Variants in ERC2 observed in about 807,000 individuals in gnomAD.
ERC2 encodes ELKS/RAB6-interacting/CAST family member 2.
A neutral mutation model predicts 114.8 loss-of-function variants in ERC2; 42 were observed. The observed-to-expected ratio is 0.37, with a 90% CI of 0.29 to 0.47. The LOEUF is 0.47. Ranked by LOEUF, ERC2 falls within the 20% of genes least tolerant of loss-of-function variation. The pLI is 0.99. For missense variants in ERC2, 939 were observed against 1,150.7 expected (o/e 0.82, Z 2.66); for synonymous variants, 454 against 425.5 (o/e 1.07, Z -0.82).
chr3:56,399,838 G>T (rs1176638891), intron 2 of ERC2, among the ~76,000 whole-genome samples: 5 of 152,096 alleles, frequency 3.3e-5, no homozygotes, highest in Non-Finnish European at 7.4e-5. Context: ...ACAAAGAACA[G>T]AGTAACAATT....
chr3:55,549,056 C>T (rs1290488140), intron 17 of ERC2, among the ~76,000 whole-genome samples: 1 of 152,184 alleles, frequency 6.6e-6, no homozygotes, highest in Admixed American at 6.5e-5. Context: ...TCTAAAGTAA[C>T]TCCGGTTTTA....
intron 14 of ERC2, among the ~76,000 whole-genome samples, chr3:55,831,708 C>T (rs1441143823): frequency 1.3e-5 from 2 of 152,108 alleles, no homozygotes; most frequent in African/African-American, 4.8e-5. Flanking sequence ...TTCTGCATTT[C>T]CATCTGAGGT....
chr3:56,211,327 C>T (rs2049045712), intron 3 of ERC2, among the ~76,000 whole-genome samples: 2 of 152,134 alleles, frequency 1.3e-5, no homozygotes, highest in African/African-American at 4.8e-5. Context: ...AGAATCAAAT[C>T]AAGAACTCAA....
chr3:56,440,762 C>CTA (rs2062261761), intron 1 of ERC2, among the ~76,000 whole-genome samples: 1 of 152,168 alleles, frequency 6.6e-6, no homozygotes, highest in Admixed American at 6.5e-5. Flanking sequence ...GTAAATCAAA[C>CTA]TATATAAAGA....
chr3:56,106,497 T>A (rs996096991), intron 6 of ERC2, among the ~76,000 whole-genome samples: 1 of 152,206 alleles, frequency 6.6e-6, no homozygotes, highest in Non-Finnish European at 1.5e-5. Context: ...GGCCTTTAAC[T>A]TGGGGTTGTC....
intron 1 of ERC2, among the ~76,000 whole-genome samples, chr3:56,441,181 T>C (rs963690412): frequency 6.6e-6 from 1 of 152,178 alleles, no homozygotes; most frequent in African/African-American, 2.4e-5. Flanking sequence ...AGAACGGCCC[T>C]GGAAGATGAA....
intron 14 of ERC2, among the ~76,000 whole-genome samples, chr3:55,823,169 A>G (rs954864514): frequency 1.3e-5 from 2 of 152,154 alleles, no homozygotes; most frequent in African/African-American, 4.8e-5. Flanking sequence ...AGCTGGCTTC[A>G]TGAGAGAGCT....
chr3:56,271,358 T>C (rs895485563), intron 3 of ERC2, among the ~76,000 whole-genome samples: 1 of 152,222 alleles, frequency 6.6e-6, no homozygotes, highest in Non-Finnish European at 1.5e-5. Flanking sequence ...GCACAGTCCC[T>C]TGGGAAATAT....
chr3:55,548,576 C>T (rs1028617858), intron 17 of ERC2, among the ~76,000 whole-genome samples: 4 of 152,180 alleles, frequency 2.6e-5, no homozygotes, highest in Admixed American at 6.5e-5. Flanking sequence ...CACAGACATA[C>T]GTGTGTCAGC....
At chr3:56,098,950 C>CAAAT (rs890124125) in intron 6 of ERC2, among the ~76,000 whole-genome samples, 1 of 152,142 alleles carries the variant, frequency 6.6e-6, no homozygotes, top group African/African-American at 2.4e-5. Context: ...TGGTGGTCCC[C>CAAAT]AAATAGATGT....
At chr3:55,756,912 A>G (rs1239822523) in intron 14 of ERC2, among the ~76,000 whole-genome samples, 1 of 152,198 alleles carries the variant, frequency 6.6e-6, no homozygotes, top group Non-Finnish European at 1.5e-5. Context: ...AAAATGAATA[A>G]GATGCAAAGA....
chr3:55,712,781 C>A lies in ERC2; in HGVS notation c.2713-13269G>T, dbSNP rs1037403925. 5.3e-5 allele frequency among the ~76,000 whole-genome samples: 8 copies of A among 152,148 alleles called. No individual in the cohort carries two copies. In the South Asian group the frequency reaches 1.5e-3, roughly 28 times the overall value. ...TTCTGCCTTTTTGGGCAGCTCACGT[C>A]TTCAGATATTTGAATACAGTTATGC... On this transcript the variant is annotated intron_variant, in intron 15 of 17. Coordinates refer to ENST00000288221, the MANE Select transcript of ERC2 (RefSeq NM_015576.3).
intron 3 of ERC2, among the ~76,000 whole-genome samples, chr3:56,194,864 G>A (rs1188289041): frequency 6.6e-6 from 1 of 151,764 alleles, no homozygotes; most frequent in Non-Finnish European, 1.5e-5. Flanking sequence ...GATAACTGCA[G>A]TCAACGGTGT....
intron 3 of ERC2, among the ~76,000 whole-genome samples, chr3:56,218,342 C>T (rs1373779169): frequency 6.6e-6 from 1 of 152,206 alleles, no homozygotes; most frequent in Admixed American, 6.5e-5. Flanking sequence ...CATGAACAGA[C>T]ACTTCTCAAA....
rs997337587 is a variant in ERC2 at position 55,675,803 on chromosome 3, G to A, written c.*39+7991C>T. Among the ~76,000 whole-genome samples the A allele has an allele frequency of 4.2e-5, 6 of 143,008 alleles. No individual in the cohort carries two copies. In the South Asian group the frequency reaches 9.7e-4, roughly 23 times the overall value. 93.8% of individuals were successfully genotyped at this position (143,008 alleles called of 152,430 possible). On this transcript the variant is annotated intron_variant, in intron 17 of 17. Coordinates refer to ENST00000288221, the MANE Select transcript of ERC2 (RefSeq NM_015576.3). ...AGTGCCATTATGGCCATTTTCAAAT[G>A]TTATTAATAATTCTTTTAGAAGCTT...
chr3:56,296,010 T>C lies in ERC2; in HGVS notation c.1074+9A>G. Reference sequence around the variant, plus strand: ...TAAGGCTTTGGGGAAATACAGTGAATGCTCTTACCTCTCTAAGATGTATGT... The same window carrying C: ...TAAGGCTTTGGGGAAATACAGTGAACGCTCTTACCTCTCTAAGATGTATGT... On this transcript the variant is annotated intron_variant, in intron 3 of 17. Coordinates refer to ENST00000288221, the MANE Select transcript of ERC2 (RefSeq NM_015576.3). 7 of 1,546,826 alleles carry C rather than the reference T, an allele frequency of 4.5e-6. No individual in the cohort carries two copies. The highest frequency in any genetic ancestry group is 6.1e-6 in the Non-Finnish European group (7 of 1,147,726).
chr3:56,326,003 C>T (rs980184419), intron 2 of ERC2, among the ~76,000 whole-genome samples: 1 of 152,200 alleles, frequency 6.6e-6, no homozygotes, highest in Non-Finnish European at 1.5e-5. Flanking sequence ...AGACTCTGTA[C>T]AACCACCGCC....
chr3:56,047,170 G>T lies in ERC2; in HGVS notation c.1642-28139C>A, dbSNP rs142544034. Among the ~76,000 whole-genome samples the T allele has an allele frequency of 5.3e-4, 81 of 152,348 alleles. No homozygotes were observed. In the East Asian group the frequency reaches 0.015, roughly 28 times the overall value. On this transcript the variant is annotated intron_variant, in intron 7 of 17. Coordinates refer to ENST00000288221, the MANE Select transcript of ERC2 (RefSeq NM_015576.3). Reference sequence around the variant, plus strand: ...CATTTTTGTTTCCTATTAAGATCCAGAATGTGTTTTGTTCTTTTATTGTCC... The same window carrying T: ...CATTTTTGTTTCCTATTAAGATCCATAATGTGTTTTGTTCTTTTATTGTCC...
chr3:55,900,023 A>C (rs2064047362), intron 13 of ERC2, among the ~76,000 whole-genome samples: 1 of 152,176 alleles, frequency 6.6e-6, no homozygotes, highest in Non-Finnish European at 1.5e-5. Flanking sequence ...TTACAATGGC[A>C]GCTAACTTTA....
Sources: allele counts gnomAD v4.1 joint callset (sites outside exome capture counted in the v4.1 genomes callset), GRCh38; gene constraint gnomAD v4.1.1; transcripts MANE v1.5; gene names NCBI Gene and HGNC (gene_info 2026-07-23, HGNC 2026-07-21).